The following CADM2 variants were observed in gnomAD, a reference collection of about 807,000 sequenced individuals.
CADM2 encodes immunoglobulin superfamily member 4D.
Under a neutral mutation model 49.8 loss-of-function variants are expected in CADM2, and 12 were observed. That is an observed-to-expected ratio of 0.24 (90% CI 0.15 to 0.39). The LOEUF is 0.39. CADM2 is among the 10% of genes least tolerant of loss of function. The pLI is 1.00. For missense variants in CADM2, 378 were observed against 492.3 expected (o/e 0.77, Z 2.20); for synonymous variants, 214 against 175.4 (o/e 1.22, Z -1.74).
At chr3:85,704,674 T>C (rs905002320) in intron 1 of CADM2, among the ~76,000 whole-genome samples, 2 of 151,926 alleles carry the variant, frequency 1.3e-5, no homozygotes, top group Non-Finnish European at 2.9e-5. Flanking sequence ...AACATATGAG[T>C]TTTGTGGGAA....
chr3:85,536,281 G>A (rs17516683), intron 1 of CADM2, among the ~76,000 whole-genome samples: 77,765 of 151,678 alleles, frequency 0.51, 23,005 homozygotes, highest in East Asian at 0.85. Flanking sequence ...CCTGAGATTC[G>A]TTAGGAAGGA....
chr3:85,782,447 C>T (rs189927224), intron 2 of CADM2, among the ~76,000 whole-genome samples: 15 of 151,952 alleles, frequency 9.9e-5, no homozygotes, highest in African/African-American at 3.1e-4. Context: ...GAGGCTGAGG[C>T]GGGCGGATCA....
chr3:85,844,013 C>T (rs116839143), intron 3 of CADM2, among the ~76,000 whole-genome samples: 8 of 152,114 alleles, frequency 5.3e-5, no homozygotes, highest in African/African-American at 1.9e-4. Flanking sequence ...CTTTACGGAT[C>T]GGTCCCAGCA....
chr3:85,246,442 TAATA>T (rs889126182), intron 1 of CADM2, among the ~76,000 whole-genome samples: 2 of 151,966 alleles, frequency 1.3e-5, no homozygotes, highest in African/African-American at 4.8e-5. Context: ...ACTTAAAGTA[TAATA>T]AATAAATAAA....
intron 2 of CADM2, among the ~76,000 whole-genome samples, chr3:85,789,238 A>G (rs1166342350): frequency 6.6e-6 from 1 of 152,154 alleles, no homozygotes; most frequent in Non-Finnish European, 1.5e-5. Context: ...ATTTAGTAAC[A>G]TGATTGAGCT....
intron 2 of CADM2, among the ~76,000 whole-genome samples, chr3:85,745,972 A>G (rs1374003183): frequency 1.3e-5 from 2 of 152,126 alleles, no homozygotes; most frequent in African/African-American, 2.4e-5. Flanking sequence ...ACTCCAATAC[A>G]ATGAAAAGAT....
At chr3:85,713,814 G>A (rs569757259) in intron 1 of CADM2, among the ~76,000 whole-genome samples, 1 of 152,276 alleles carries the variant, frequency 6.6e-6, no homozygotes, top group Non-Finnish European at 1.5e-5. Flanking sequence ...CTTTGAATTA[G>A]CATGCCTTAA....
intron 1 of CADM2, among the ~76,000 whole-genome samples, chr3:85,354,492 TTAAAGTA>T: frequency 6.6e-6 from 1 of 151,632 alleles, no homozygotes; most frequent in East Asian, 1.9e-4. Context: ...ACCCTAAAAC[TTAAAGTA>T]TAATAATAAT....
At chr3:85,546,038 A>T in intron 1 of CADM2, among the ~76,000 whole-genome samples, 1 of 152,330 alleles carries the variant, frequency 6.6e-6, no homozygotes, top group East Asian at 1.9e-4. Context: ...AGCACATTCT[A>T]TACCTAAAAT....
chr3:85,795,042 T>G (rs946876125), intron 2 of CADM2, among the ~76,000 whole-genome samples: 1 of 152,128 alleles, frequency 6.6e-6, no homozygotes. Context: ...TACAAAAATA[T>G]TCCATCAAGC....
intron 6 of CADM2, among the ~76,000 whole-genome samples, chr3:85,916,335 C>G (rs976333670): frequency 6.0e-5 from 8 of 133,336 alleles, no homozygotes; most frequent in African/African-American, 2.2e-4. Context: ...CCCCACCCCA[C>G]AACATGCCCC....
intron 1 of CADM2, among the ~76,000 whole-genome samples, chr3:85,514,054 CACTT>C (rs1239941052): frequency 3.3e-5 from 5 of 152,054 alleles, no homozygotes; most frequent in Non-Finnish European, 7.4e-5. Flanking sequence ...CTCTTTGAAT[CACTT>C]ACTTCTTACA....
intron 5 of CADM2, among the ~76,000 whole-genome samples, chr3:85,902,406 T>G (rs1028585365): frequency 6.6e-6 from 1 of 152,060 alleles, no homozygotes; most frequent in African/African-American, 2.4e-5. Flanking sequence ...ATTTGTATCT[T>G]TAAATCTAAA....
At chr3:86,023,395 T>G (rs1733457998) in intron 8 of CADM2, among the ~76,000 whole-genome samples, 3 of 139,798 alleles carry the variant, frequency 2.1e-5, no homozygotes, top group Non-Finnish European at 4.7e-5. Context: ...TTGTTTTGTT[T>G]TTTTGAGACA....
intron 1 of CADM2, among the ~76,000 whole-genome samples, chr3:85,000,088 A>T (rs1326866529): frequency 1.4e-5 from 2 of 147,864 alleles, no homozygotes; most frequent in East Asian, 4.0e-4. Flanking sequence ...TGGCTGTTTT[A>T]ATATAACATA....
At chr3:85,731,696 G>A (rs920342427) in intron 2 of CADM2, among the ~76,000 whole-genome samples, 1 of 151,918 alleles carries the variant, frequency 6.6e-6, no homozygotes, top group Non-Finnish European at 1.5e-5. Flanking sequence ...AGATGTGAAT[G>A]ATCCACTAGG....
intron 2 of CADM2, among the ~76,000 whole-genome samples, chr3:85,780,886 A>G (rs1023157512): frequency 1.3e-5 from 2 of 152,092 alleles, no homozygotes; most frequent in Non-Finnish European, 2.9e-5. Flanking sequence ...GTTTCGGCCA[A>G]TGAGACAATA....
At chr3:85,818,985 G>A (rs1292737735) in intron 3 of CADM2, among the ~76,000 whole-genome samples, 2 of 151,962 alleles carry the variant, frequency 1.3e-5, no homozygotes, top group Non-Finnish European at 2.9e-5. Context: ...GCAAGGTGAG[G>A]AGCAAGGAAG....
intron 1 of CADM2, among the ~76,000 whole-genome samples, chr3:85,076,303 T>TTGTGTGTGTGTG (rs71108205): frequency 0.045 from 6,267 of 139,224 alleles, 203 homozygotes; most frequent in South Asian, 0.097. Flanking sequence ...AAAAAAGAAA[T>TTGTGTGTGTGTG]TGTGTGTGTG....
Sources: gnomAD v4.1 joint callset for allele counts (sites outside exome capture counted in the v4.1 genomes callset) on GRCh38, gnomAD v4.1.1 for gene constraint, MANE v1.5 for transcripts, NCBI Gene and HGNC (gene_info 2026-07-23, HGNC 2026-07-21) for gene names.